Variants in LRP1B observed in about 807,000 individuals in gnomAD.
The protein encoded by LRP1B is LDL receptor related protein 1B, also known as low-density lipoprotein receptor-related protein 1B.
In LRP1B, 217 loss-of-function variants were observed where a neutral mutation model predicts 556.6. The ratio of observed to expected loss-of-function variants is 0.39; its 90% CI spans 0.35 to 0.44. LRP1B has a LOEUF of 0.44. Ranked by LOEUF, LRP1B falls within the 20% of genes least tolerant of loss-of-function variation. The pLI, the probability that LRP1B is intolerant of heterozygous loss-of-function variation, is 1.00. For missense variants in LRP1B, 5,053 were observed against 5,620.8 expected (o/e 0.90, Z 3.23); for synonymous variants, 2,047 against 1,865.8 (o/e 1.10, Z -2.50).
intron 3 of LRP1B, among the ~76,000 whole-genome samples, chr2:141,308,988 C>T (rs1307499254): frequency 2.6e-5 from 4 of 152,122 alleles, no homozygotes; most frequent in Non-Finnish European, 4.4e-5. Context: ...TTAAAAAGAG[C>T]AGGTGTTAAC....
intron 2 of LRP1B, among the ~76,000 whole-genome samples, chr2:141,718,823 G>A (rs1230535285): frequency 6.6e-6 from 1 of 152,108 alleles, no homozygotes; most frequent in Non-Finnish European, 1.5e-5. Context: ...TCTAGGAACA[G>A]GAATTCAATA....
At chr2:141,302,459 G>A (rs1686431445) in intron 3 of LRP1B, among the ~76,000 whole-genome samples, 1 of 152,038 alleles carries the variant, frequency 6.6e-6, no homozygotes, top group South Asian at 2.1e-4. Context: ...TACAGAAGAT[G>A]CACCATTCTT....
chr2:141,017,289 C>G lies in LRP1B; in HGVS notation c.1971-1374G>C, dbSNP rs367777282. ...AAAGTGAAATATGCAATCTTTTCAT[C>G]TCTATTGATATTTTCCTGAAATTTT... On this transcript the variant is annotated intron_variant, in intron 12 of 90. Coordinates refer to ENST00000389484, the MANE Select transcript of LRP1B (RefSeq NM_018557.3). 2.2e-4 allele frequency among the ~76,000 whole-genome samples: 34 copies of G among 151,992 alleles called. No individual in the cohort carries two copies. The East Asian group carries it at 5.8e-3, about 26-fold the overall frequency.
intron 41 of LRP1B, among the ~76,000 whole-genome samples, chr2:140,689,777 C>T (rs1686173826): frequency 6.6e-6 from 1 of 152,160 alleles, no homozygotes; most frequent in South Asian, 2.1e-4. Flanking sequence ...GAGCCAACCA[C>T]AGGTTTCTAG....
At chr2:140,354,589 T>C (rs902240049) in intron 75 of LRP1B, among the ~76,000 whole-genome samples, 1 of 152,216 alleles carries the variant, frequency 6.6e-6, no homozygotes. Flanking sequence ...TTTGTCACTA[T>C]GGTTTCCCTT....
intron 35 of LRP1B, among the ~76,000 whole-genome samples, chr2:140,747,173 C>T (rs555980974): frequency 6.6e-6 from 1 of 152,176 alleles, no homozygotes; most frequent in African/African-American, 2.4e-5. Flanking sequence ...ATAGGCAATG[C>T]TAGGCAGGAG....
intron 7 of LRP1B, among the ~76,000 whole-genome samples, chr2:141,174,959 G>C (rs139204727): frequency 6.6e-6 from 1 of 152,128 alleles, no homozygotes; most frequent in South Asian, 2.1e-4. Flanking sequence ...CTAGAGTAAA[G>C]ATCACTCTTG....
At chr2:140,467,612 C>CAAA (rs36060070) in intron 60 of LRP1B, among the ~76,000 whole-genome samples, 10 of 85,894 alleles carry the variant, frequency 1.2e-4, no homozygotes, top group Admixed American at 1.5e-4. Context: ...AACTCCATCT[C>CAAA]AAAAAAAAAA....
intron 35 of LRP1B, among the ~76,000 whole-genome samples, chr2:140,744,219 T>C (rs1688245061): frequency 6.6e-6 from 1 of 152,158 alleles, no homozygotes; most frequent in Admixed American, 6.5e-5. Flanking sequence ...TACCATTGCA[T>C]TGCATTGATA....
At chr2:141,205,927 G>C (rs548112265) in intron 6 of LRP1B, among the ~76,000 whole-genome samples, 1 of 152,084 alleles carries the variant, frequency 6.6e-6, no homozygotes, top group Non-Finnish European at 1.5e-5. Context: ...CCCGTTCTTT[G>C]ATAGCCATGA....
At chr2:140,562,103 T>A (rs1001084130) in intron 43 of LRP1B, among the ~76,000 whole-genome samples, 2 of 152,068 alleles carry the variant, frequency 1.3e-5, no homozygotes, top group Non-Finnish European at 2.9e-5. Context: ...AGAATATCAA[T>A]GGACAATCTA....
At chr2:141,139,160 G>A (rs1158457353) in intron 7 of LRP1B, among the ~76,000 whole-genome samples, 2 of 151,776 alleles carry the variant, frequency 1.3e-5, no homozygotes, top group South Asian at 4.1e-4. Context: ...AATATTCTTA[G>A]ATTCATGCCT....
rs76915724 is a variant in LRP1B at position 141,411,621 on chromosome 2, T to C, written c.343+68775A>G. 4.1e-3 allele frequency among the ~76,000 whole-genome samples: 623 copies of C among 152,244 alleles called. 10 individuals are homozygous for C. Among genetic ancestry groups the C allele is most frequent in the East Asian group, 0.018 (91 of 5,168 alleles). Reference sequence around the variant, plus strand: ...TTTACAGATGTTCTGATGGTTTATGTGCATGAAAATGTGCGTGCGTGTGTG... The same window carrying C: ...TTTACAGATGTTCTGATGGTTTATGCGCATGAAAATGTGCGTGCGTGTGTG... On this transcript the variant is annotated intron_variant, in intron 3 of 90. Coordinates refer to ENST00000389484, the MANE Select transcript of LRP1B (RefSeq NM_018557.3).
intron 21 of LRP1B, 62 bp from the exon 22 acceptor site, chr2:140,908,139 G>A (rs2105232707): frequency 7.9e-7 from 1 of 1,271,160 alleles, no homozygotes; most frequent in Non-Finnish European, 1.1e-6. Flanking sequence ...GATAATGAGT[G>A]GCCATTATTG....
intron 66 of LRP1B, among the ~76,000 whole-genome samples, chr2:140,419,928 A>AAC (rs1421658415): frequency 1.3e-5 from 2 of 151,964 alleles, no homozygotes; most frequent in Admixed American, 1.3e-4. Flanking sequence ...GAATAACCTG[A>AAC]ACCCAGGAAG....
chr2:141,136,196 A>G (rs1701488292), intron 7 of LRP1B, among the ~76,000 whole-genome samples: 1 of 152,036 alleles, frequency 6.6e-6, no homozygotes. Flanking sequence ...GTGCACTTAT[A>G]GAGTGTCTGT....
In LRP1B at chr2:140,240,109, A is replaced by G. The variant is rs1396221630; in HGVS notation, c.13325-577T>C. ...AGGTTATTTAAATGCTTTGAGGCTC[A>G]TGCTCTTCAACTGTAAAACACAGAG... On this transcript the variant is annotated intron_variant, in intron 87 of 90. Transcript: ENST00000389484. 2.0e-5 allele frequency among the ~76,000 whole-genome samples: 3 copies of G among 150,884 alleles called. No homozygotes were observed. The East Asian group carries it at 5.9e-4, about 30-fold the overall frequency.
chr2:141,984,606 C>T (rs1702133535), intron 1 of LRP1B, among the ~76,000 whole-genome samples: 1 of 152,114 alleles, frequency 6.6e-6, no homozygotes, highest in African/African-American at 2.4e-5. Context: ...TTTTCCCATT[C>T]ATACTATGCC....
chr2:141,311,120 T>C (rs1312391027), intron 3 of LRP1B, among the ~76,000 whole-genome samples: 1 of 152,230 alleles, frequency 6.6e-6, no homozygotes, highest in African/African-American at 2.4e-5. Context: ...ATTGTTTAAG[T>C]CCATCTTCTA....
Sources: allele counts gnomAD v4.1 joint callset (sites outside exome capture counted in the v4.1 genomes callset), GRCh38; gene constraint gnomAD v4.1.1; transcripts MANE v1.5; gene names NCBI Gene and HGNC (gene_info 2026-07-23, HGNC 2026-07-21).